NFIA: variants seen among roughly 807,000 people sequenced by gnomAD.
NFIA encodes nuclear factor 1 A-type.
In NFIA, 8 loss-of-function variants were observed where a neutral mutation model predicts 62.8. The observed-to-expected ratio is 0.13, with a 90% CI of 0.07 to 0.23. The LOEUF is 0.23. Ranked by LOEUF, NFIA falls within the 10% of genes least tolerant of loss-of-function variation. The pLI is 1.00. For missense variants in NFIA, 410 were observed against 642.1 expected, an observed-to-expected ratio of 0.64 and a Z score of 3.91; for synonymous variants, 235 against 238.1, an observed-to-expected ratio of 0.99 and a Z score of 0.12.
intron 2 of NFIA, among the ~76,000 whole-genome samples, chr1:61,118,196 A>G (rs1247487918): frequency 3.3e-5 from 5 of 151,914 alleles, no homozygotes; most frequent in African/African-American, 1.2e-4. Context: ...AAGAACAAAA[A>G]AAAAAAAAAG....
Position 61,206,038 on chromosome 1 carries a change from C to T in NFIA, c.560-71482C>T, listed in dbSNP as rs534857881. ...TCAACTGATCCTCCCTCCTCAGCCTCCCGAGTAGCTGGGACCACAGGTGTG... is the reference window on the plus strand; with the variant it reads ...TCAACTGATCCTCCCTCCTCAGCCTTCCGAGTAGCTGGGACCACAGGTGTG... On this transcript the variant is annotated intron_variant, in intron 2 of 10. Transcript: ENST00000403491. Among the ~76,000 whole-genome samples the T allele has an allele frequency of 1.1e-4, 16 of 151,780 alleles. 1 individual carries two copies. The highest frequency in any genetic ancestry group is 3.1e-4 in the African/African-American group (13 of 41,360).
chr1:61,116,272 A>G (rs1306023018), intron 2 of NFIA, among the ~76,000 whole-genome samples: 1 of 152,220 alleles, frequency 6.6e-6, no homozygotes, highest in Non-Finnish European at 1.5e-5. Context: ...TTAATTAACA[A>G]AATGAAAATA....
At chr1:61,335,296 G>A (rs535741256) in intron 4 of NFIA, among the ~76,000 whole-genome samples, 69 of 152,210 alleles carry the variant, frequency 4.5e-4, no homozygotes, top group Non-Finnish European at 6.0e-4. Flanking sequence ...TAGGTTTGTC[G>A]GGGTATATTT....
chr1:61,320,891 A>G (rs943671410), intron 3 of NFIA, among the ~76,000 whole-genome samples: 12 of 152,292 alleles, frequency 7.9e-5, no homozygotes, highest in Admixed American at 2.0e-4. Flanking sequence ...TATTCAGGGA[A>G]TACATTTCCC....
intron 2 of NFIA, among the ~76,000 whole-genome samples, chr1:61,111,840 A>G (rs925541713): frequency 1.3e-5 from 2 of 152,186 alleles, no homozygotes; most frequent in Non-Finnish European, 2.9e-5. Context: ...ACAATATAAA[A>G]AACCAAAAAT....
At chr1:61,110,233 C>T (rs1436091292) in intron 2 of NFIA, among the ~76,000 whole-genome samples, 1 of 151,422 alleles carries the variant, frequency 6.6e-6, no homozygotes, top group Non-Finnish European at 1.5e-5. Context: ...CAAACCATAG[C>T]ACACATTTGT....
intron 2 of NFIA, among the ~76,000 whole-genome samples, chr1:61,121,906 G>A (rs1213997586): frequency 6.6e-6 from 1 of 152,162 alleles, no homozygotes; most frequent in Non-Finnish European, 1.5e-5. Context: ...AGGAAGATAT[G>A]TAGGTGGAAA....
intron 10 of NFIA, among the ~76,000 whole-genome samples, chr1:61,437,185 G>A (rs1180250127): frequency 1.3e-5 from 2 of 152,198 alleles, no homozygotes; most frequent in African/African-American, 2.4e-5. Context: ...ACTAGTGAAG[G>A]GAAGCATAAG....
At chr1:61,111,417 G>A (rs897269623) in intron 2 of NFIA, among the ~76,000 whole-genome samples, 2 of 152,102 alleles carry the variant, frequency 1.3e-5, no homozygotes, top group Non-Finnish European at 2.9e-5. Flanking sequence ...GAAAGAGTCA[G>A]ACTCTGAAAT....
At chr1:61,365,150 G>A (rs12036079) in intron 6 of NFIA, among the ~76,000 whole-genome samples, 15,979 of 152,224 alleles carry the variant, frequency 0.1, 1,069 homozygotes, top group Non-Finnish European at 0.14. Flanking sequence ...TTGTGCCATT[G>A]CACTCCAGCC....
intron 4 of NFIA, among the ~76,000 whole-genome samples, chr1:61,335,731 A>C (rs76858786): frequency 0.12 from 18,773 of 151,772 alleles, 1,774 homozygotes; most frequent in African/African-American, 0.26. Flanking sequence ...AATCCCACCT[A>C]CTCGGGAGGC....
chr1:61,179,809 G>C (rs1397745752), intron 2 of NFIA, among the ~76,000 whole-genome samples: 1 of 152,152 alleles, frequency 6.6e-6, no homozygotes, highest in Non-Finnish European at 1.5e-5. Flanking sequence ...CCTATCGAGT[G>C]CAGAGATGTT....
chr1:61,345,427 A>G (rs1662173315), intron 4 of NFIA, among the ~76,000 whole-genome samples: 1 of 152,034 alleles, frequency 6.6e-6, no homozygotes, highest in Non-Finnish European at 1.5e-5. Flanking sequence ...CATGTGTATC[A>G]CCTCTGACTT....
chr1:61,138,072 AAAAC>A (rs2100500525), intron 2 of NFIA, among the ~76,000 whole-genome samples: 1 of 152,088 alleles, frequency 6.6e-6, no homozygotes, highest in Admixed American at 6.5e-5. Flanking sequence ...ATTTCTTAGT[AAAAC>A]AAAAAATATT....
chr1:61,300,099 A>C (rs372551052), intron 3 of NFIA, among the ~76,000 whole-genome samples: 1 of 152,014 alleles, frequency 6.6e-6, no homozygotes, highest in Non-Finnish European at 1.5e-5. Flanking sequence ...ATTAAAAAAA[A>C]TTTTTTTAAC....
chr1:61,309,956 A>T (rs974991449), intron 3 of NFIA, among the ~76,000 whole-genome samples: 2 of 152,228 alleles, frequency 1.3e-5, no homozygotes, highest in Non-Finnish European at 2.9e-5. Flanking sequence ...GAATGGTTGC[A>T]TGCAATAAAA....
intron 9 of NFIA, among the ~76,000 whole-genome samples, chr1:61,413,976 T>G (rs918453987): frequency 2.0e-5 from 3 of 150,870 alleles, no homozygotes; most frequent in Admixed American, 6.6e-5. Flanking sequence ...ATTGTTTTTT[T>G]GTTTTTTTGT....
intron 2 of NFIA, among the ~76,000 whole-genome samples, chr1:61,185,669 T>G: frequency 6.7e-6 from 1 of 149,766 alleles, no homozygotes; most frequent in East Asian, 2.0e-4. Context: ...CCGTGACTCC[T>G]TAGATGCTCC....
At chr1:61,373,901 C>G (rs1227838768) in intron 6 of NFIA, among the ~76,000 whole-genome samples, 1 of 151,968 alleles carries the variant, frequency 6.6e-6, no homozygotes, top group Non-Finnish European at 1.5e-5. Flanking sequence ...GGTATCATAT[C>G]ATAGAGACCA....
Sources: allele counts gnomAD v4.1 joint callset (sites outside exome capture counted in the v4.1 genomes callset), GRCh38; gene constraint gnomAD v4.1.1; transcripts MANE v1.5; gene names NCBI Gene and HGNC (gene_info 2026-07-23, HGNC 2026-07-21).